The following LYRM4 variants were observed in gnomAD, a reference collection of about 807,000 sequenced individuals.
LYRM4 encodes the protein LYR motif containing 4.
LYRM4 carries 9 observed loss-of-function variants against 11.7 expected under a neutral mutation model. That is an observed-to-expected ratio of 0.77 (90% confidence interval 0.46 to 1.34). LYRM4 has a LOEUF of 1.34. LYRM4 is among the 40% of genes most tolerant of loss of function. LYRM4 has a pLI of 0.00. For missense variants in LYRM4, 133 were observed against 112.5 expected (o/e 1.18, Z -0.82); for synonymous variants, 42 against 40.4 (o/e 1.04, Z -0.15).
intron 1 of LYRM4, among the ~76,000 whole-genome samples, chr6:5,222,589 A>G (rs1762641537): frequency 6.6e-6 from 1 of 152,158 alleles, no homozygotes; most frequent in Non-Finnish European, 1.5e-5. Flanking sequence ...CCTTCTCTTG[A>G]ATGGGGCGGT....
At chr6:5,032,374 G>A in the LYRM4 span, 1 of 152,136 alleles carries the variant, frequency 6.6e-6, no homozygotes, top group Non-Finnish European at 1.5e-5. Flanking sequence ...TTTATTCACT[G>A]TTTTTTAAAA....
At chr6:5,129,297 A>G (rs1286730172) in intron 2 of LYRM4, among the ~76,000 whole-genome samples, 1 of 152,216 alleles carries the variant, frequency 6.6e-6, no homozygotes, top group Non-Finnish European at 1.5e-5. Flanking sequence ...GGTGGCTTTG[A>G]ACAACACAAG....
rs149735872 is a variant in LYRM4 at position 5,253,775 on chromosome 6, C to T, written c.86+6873G>A. Among the ~76,000 whole-genome samples, 99 of 149,562 alleles carry T rather than the reference C, an allele frequency of 6.6e-4. 2 individuals carry two copies. Among genetic ancestry groups the T allele is most frequent in the African/African-American group, 2.4e-3 (97 of 40,508 alleles). Reference sequence around the variant, plus strand: ...CAATGTTGACCATTCGATGGTCGTTCGATCTGAAGCAAAATGCAAATGTGA... The same window carrying T: ...CAATGTTGACCATTCGATGGTCGTTTGATCTGAAGCAAAATGCAAATGTGA... On this transcript the variant is annotated intron_variant, in intron 1 of 2. Transcript: ENST00000330636.
intron 2 of LYRM4, among the ~76,000 whole-genome samples, chr6:5,111,557 G>C (rs1164874025): frequency 1.3e-5 from 2 of 152,248 alleles, no homozygotes; most frequent in Non-Finnish European, 2.9e-5. Flanking sequence ...GTATATGCTA[G>C]ACCAGGGCTG....
chr6:5,058,049 G>A, the LYRM4 span, among the ~76,000 whole-genome samples: 1 of 152,134 alleles, frequency 6.6e-6, no homozygotes, highest in Admixed American at 6.5e-5. Context: ...ACCACACCCT[G>A]CCTCTATTCA....
At chr6:5,192,721 C>T (rs1003721614) in intron 2 of LYRM4, among the ~76,000 whole-genome samples, 4 of 152,178 alleles carry the variant, frequency 2.6e-5, no homozygotes, top group East Asian at 1.9e-4. Context: ...CTGTGTATTC[C>T]GTTGTATCCA....
At chr6:5,088,407 AT>A in the LYRM4 span, 4 of 152,314 alleles carry the variant, frequency 2.6e-5, no homozygotes, top group Admixed American at 2.6e-4. Context: ...ACATTTTTAA[AT>A]TGTTGAAAAA....
At chr6:5,117,604 T>C (rs1236707620) in intron 2 of LYRM4, among the ~76,000 whole-genome samples, 1 of 152,144 alleles carries the variant, frequency 6.6e-6, no homozygotes, top group Admixed American at 6.5e-5. Flanking sequence ...GGGGCTTTTG[T>C]AGCCAGAATA....
At chr6:5,176,844 G>A (rs1356296908) in intron 2 of LYRM4, among the ~76,000 whole-genome samples, 1 of 152,164 alleles carries the variant, frequency 6.6e-6, no homozygotes, top group Non-Finnish European at 1.5e-5. Flanking sequence ...ATCTACAATG[G>A]CATGAGGCAG....
chr6:5,260,598 T>TGCCCCGGCCCCCGGCCCCCCCCCCCCCC, intron 1 of LYRM4, 50 bp downstream of exon 1: 1 of 1,105,568 alleles, frequency 9.0e-7, no homozygotes, highest in Non-Finnish European at 1.3e-6. Flanking sequence ...GCACCCCCGG[T>TGCCCCGGCCCCCGGCCCCCCCCCCCCCC]CCCCGGCCCC....
At chr6:5,154,151 G>T (rs868747711) in intron 2 of LYRM4, among the ~76,000 whole-genome samples, 1 of 152,110 alleles carries the variant, frequency 6.6e-6, no homozygotes, top group Non-Finnish European at 1.5e-5. Flanking sequence ...GGTTTTAAAT[G>T]ACTTTCTCCT....
At position 5,137,855 on chromosome 6, in the gene LYRM4, C is replaced by A. The variant is rs541189473; in HGVS notation, c.208-28364G>T. On this transcript the variant is annotated intron_variant, in intron 2 of 2. Transcript: ENST00000330636. The stretch of plus-strand genomic sequence containing the variant: ...TTGCAAGCTGCCTGTGGCCCACCAC[C>A]CAAATTATCCTCATGTGAATGTATT... 2.6e-5 allele frequency among the ~76,000 whole-genome samples: 4 copies of A among 152,222 alleles called. No individual in the cohort carries two copies. In the South Asian group the frequency reaches 8.3e-4, roughly 32 times the overall value.
chr6:5,047,538 A>C, the LYRM4 span, among the ~76,000 whole-genome samples: 2 of 152,336 alleles, frequency 1.3e-5, no homozygotes, highest in African/African-American at 4.8e-5. Context: ...GTAGAAATCC[A>C]ATAATATGGC....
At chr6:5,217,916 T>G (rs1295891564) in intron 1 of LYRM4, among the ~76,000 whole-genome samples, 1 of 148,482 alleles carries the variant, frequency 6.7e-6, no homozygotes, top group East Asian at 2.0e-4. Context: ...TTTCTCTATG[T>G]TTTTTTTTTC....
rs564875358 is a variant in LYRM4, at chr6:5,138,217, T to C, written c.208-28726A>G. On this transcript the variant is annotated intron_variant, in intron 2 of 2. Coordinates refer to ENST00000330636, the MANE Select transcript of LYRM4 (RefSeq NM_020408.6). ...GATATTCAAAGGCCAGGTGTGGTAGTGCACACCTGTAATCCCAGCACTTTG... is the reference window on the plus strand; with the variant it reads ...GATATTCAAAGGCCAGGTGTGGTAGCGCACACCTGTAATCCCAGCACTTTG... Among the ~76,000 whole-genome samples, 3 of 152,202 alleles carry C rather than the reference T, an allele frequency of 2.0e-5. No individual in the cohort carries two copies. The East Asian group carries it at 5.8e-4, about 29-fold the overall frequency.
At chr6:5,125,226 C>A (rs1275853802) in intron 2 of LYRM4, among the ~76,000 whole-genome samples, 2 of 152,188 alleles carry the variant, frequency 1.3e-5, no homozygotes, top group African/African-American at 2.4e-5. Context: ...GGCCCAGAAA[C>A]CTCCAGTGGT....
At chr6:5,154,395 G>A (rs1324472633) in intron 2 of LYRM4, among the ~76,000 whole-genome samples, 1 of 152,054 alleles carries the variant, frequency 6.6e-6, no homozygotes, top group Non-Finnish European at 1.5e-5. Flanking sequence ...AAGCCCCAGG[G>A]TGGGTGAGAA....
intron 2 of LYRM4, among the ~76,000 whole-genome samples, chr6:5,210,581 A>T (rs1204203988): frequency 1.3e-5 from 2 of 152,172 alleles, no homozygotes; most frequent in African/African-American, 4.8e-5. Flanking sequence ...TTAGTGCAGC[A>T]GTGTTAAGTA....
At chr6:5,085,093 G>T in the LYRM4 span, 5 of 208,612 alleles carry the variant, frequency 2.4e-5, 1 homozygote, top group South Asian at 4.8e-4. Flanking sequence ...CCCCGCCGGG[G>T]GTGCGGGTGA....
Sources: allele counts gnomAD v4.1 joint callset (sites outside exome capture counted in the v4.1 genomes callset), GRCh38; gene constraint gnomAD v4.1.1; transcripts MANE v1.5; gene names NCBI Gene and HGNC (gene_info 2026-07-23, HGNC 2026-07-21).